Variants in NTRK3 observed in about 807,000 individuals in gnomAD.
NTRK3 encodes the protein NT-3 growth factor receptor.
In NTRK3, 24 loss-of-function variants were observed where a neutral mutation model predicts 91.7. The observed-to-expected ratio is 0.26, with a 90% CI of 0.19 to 0.37. The LOEUF (loss-of-function observed/expected upper bound fraction) is 0.37, where lower values mean the gene tolerates loss of function less well. Among genes scored for constraint, NTRK3 ranks in the 10% least tolerant of loss-of-function variants. NTRK3 has a pLI of 1.00. For missense variants in NTRK3, 880 were observed against 1,068.9 expected (o/e 0.82, Z 2.46); for synonymous variants, 483 against 404.0 (o/e 1.20, Z -2.34).
chr15:88,212,759 C>T (rs996581383), intron 3 of NTRK3, among the ~76,000 whole-genome samples: 100 of 101,272 alleles, frequency 9.9e-4, no homozygotes, highest in East Asian at 5.6e-3. Flanking sequence ...CACACACACA[C>T]ATCCCAGGCC....
At chr15:87,935,047 G>A (rs967281983) in intron 15 of NTRK3, among the ~76,000 whole-genome samples, 1 of 152,178 alleles carries the variant, frequency 6.6e-6, no homozygotes, top group Non-Finnish European at 1.5e-5. Context: ...GGATGGGGAA[G>A]TAACTTGCCA....
intron 3 of NTRK3, among the ~76,000 whole-genome samples, chr15:88,222,985 C>G (rs936378296): frequency 6.6e-6 from 1 of 152,176 alleles, no homozygotes; most frequent in Non-Finnish European, 1.5e-5. Context: ...GCCCTCCAAG[C>G]TCAAACCAAG....
At chr15:87,943,119 C>A (rs979386018) in intron 14 of NTRK3, among the ~76,000 whole-genome samples, 3 of 152,132 alleles carry the variant, frequency 2.0e-5, no homozygotes, top group Admixed American at 2.0e-4. Context: ...GGATTCCAAT[C>A]TAGTAGGTCC....
intron 13 of NTRK3, among the ~76,000 whole-genome samples, chr15:88,089,779 C>G (rs1048529282): frequency 2.6e-5 from 4 of 152,182 alleles, no homozygotes; most frequent in African/African-American, 9.7e-5. Context: ...GCTCATTTCC[C>G]ATGAAGCAGC....
chr15:88,135,497 C>A, intron 9 of NTRK3, 100 bp from the exon 10 acceptor site: 1 of 1,359,466 alleles, frequency 7.4e-7, no homozygotes, highest in Non-Finnish European at 1.0e-6. Flanking sequence ...TCTTCCCCAC[C>A]CACTCTGAAA....
rs76218461 is a variant in NTRK3, at chr15:87,887,033, A to C, written c.2134-6605T>G. On this transcript the variant is annotated intron_variant, in intron 17 of 18. Transcript: ENST00000394480. ...AAAATTTTTCAATAACAGAGTCCTA[A>C]AAATTGATGCTGGTGTGTATCTCAT... is the stretch of plus-strand genomic sequence containing the variant. Among the ~76,000 whole-genome samples, 859 of 152,174 alleles carry C rather than the reference A, an allele frequency of 5.6e-3. 13 individuals are homozygous for C. Among genetic ancestry groups the C allele is most frequent in the East Asian group, 0.033 (170 of 5,178 alleles).
rs956190492 is a variant in NTRK3, at chr15:88,241,945, T to C, written c.248+13961A>G. The stretch of plus-strand genomic sequence containing the variant: ...AACGACAATGGAGACCTAGGGACAA[T>C]GGAGACCTCAGGGGTCCTGCTCTCC... On this transcript the variant is annotated intron_variant, in intron 3 of 18. Coordinates refer to ENST00000394480, the Ensembl canonical transcript of NTRK3. This position sits in a 1 kb window ranked among gnomAD's most constrained non-coding sequence, Gnocchi z 4.3. Among the ~76,000 whole-genome samples, 5 of 152,240 alleles carry C rather than the reference T, an allele frequency of 3.3e-5. No individual in the cohort carries two copies. The highest frequency in any genetic ancestry group is 7.2e-5 in the African/African-American group (3 of 41,542).
chr15:87,973,849 C>A (rs1239232142), intron 14 of NTRK3, among the ~76,000 whole-genome samples: 1 of 152,196 alleles, frequency 6.6e-6, no homozygotes, highest in Non-Finnish European at 1.5e-5. Flanking sequence ...TCTCTCCCTC[C>A]CTGCCACCTT....
chr15:88,071,669 A>G (rs1405797511), intron 13 of NTRK3, among the ~76,000 whole-genome samples: 1 of 152,208 alleles, frequency 6.6e-6, no homozygotes, highest in East Asian at 1.9e-4. Flanking sequence ...TATAGCTAGG[A>G]TCGCTGAGGG....
chr15:88,126,086 C>T lies in NTRK3; in HGVS notation c.1396+185G>A, dbSNP rs537703799. ...ATCTACAGTTTGGTTCCCACAGATC[C>T]CAACACTGCCTTCAATCCATAATTA... On this transcript the variant is annotated intron_variant, in intron 13 of 18. Coordinates refer to ENST00000394480, the Ensembl canonical transcript of NTRK3. 2.8e-4 allele frequency among the ~76,000 whole-genome samples: 42 copies of T among 152,248 alleles called. No individual in the cohort carries two copies. In the South Asian group the frequency reaches 8.7e-3, roughly 32 times the overall value.
chr15:88,158,703 G>A (rs750596074), intron 5 of NTRK3, among the ~76,000 whole-genome samples: 7 of 152,210 alleles, frequency 4.6e-5, no homozygotes, highest in African/African-American at 1.7e-4. Flanking sequence ...CCTGAAGCAT[G>A]TGAGCTCTCT....
chr15:87,991,702 G>C (rs540158060), intron 14 of NTRK3, among the ~76,000 whole-genome samples: 1 of 152,160 alleles, frequency 6.6e-6, no homozygotes, highest in South Asian at 2.1e-4. Flanking sequence ...TCTTGCCAGT[G>C]CCTTTCTAAT....
chr15:88,106,353 G>A (rs374014265), intron 13 of NTRK3, among the ~76,000 whole-genome samples: 1 of 152,218 alleles, frequency 6.6e-6, no homozygotes. Flanking sequence ...TCTTCCTTAT[G>A]CTCATTCACA....
chr15:88,218,524 C>A (rs930352072), intron 3 of NTRK3, among the ~76,000 whole-genome samples: 1 of 152,230 alleles, frequency 6.6e-6, no homozygotes, highest in Non-Finnish European at 1.5e-5. Flanking sequence ...ACAATGCTTG[C>A]TAAGGGCTGG....
intron 14 of NTRK3, among the ~76,000 whole-genome samples, chr15:87,951,459 T>C (rs1302184631): frequency 1.3e-5 from 2 of 152,222 alleles, no homozygotes; most frequent in East Asian, 1.9e-4. Context: ...AAAATTCCAG[T>C]TCATTTGTGG....
chr15:88,193,631 C>T (rs767900316), intron 3 of NTRK3, among the ~76,000 whole-genome samples: 8 of 152,164 alleles, frequency 5.3e-5, no homozygotes, highest in Non-Finnish European at 1.2e-4. Flanking sequence ...AATAAATGAA[C>T]GAATCCCCAA....
chr15:88,250,803 T>C (rs1240615980), intron 3 of NTRK3, among the ~76,000 whole-genome samples: 6 of 152,246 alleles, frequency 3.9e-5, no homozygotes, highest in Non-Finnish European at 8.8e-5. Context: ...AAAAAGTTTA[T>C]TTTATAAACC....
At chr15:88,100,601 A>T (rs887248191) in intron 13 of NTRK3, among the ~76,000 whole-genome samples, 6 of 152,220 alleles carry the variant, frequency 3.9e-5, no homozygotes, top group African/African-American at 1.2e-4. Context: ...GGGCATAAGA[A>T]AAAGTATACT....
chr15:88,047,680 G>A (rs1413314120), intron 13 of NTRK3, among the ~76,000 whole-genome samples: 2 of 152,188 alleles, frequency 1.3e-5, no homozygotes. Flanking sequence ...CAAAAAGGGA[G>A]TATCTCCTCA....
Sources: allele counts gnomAD v4.1 joint callset (sites outside exome capture counted in the v4.1 genomes callset), GRCh38; gene constraint gnomAD v4.1.1; non-coding constraint Gnocchi (gnomAD v3.1); transcripts MANE v1.5; gene names NCBI Gene and HGNC (gene_info 2026-07-23, HGNC 2026-07-21).